HDAC4: variants seen among roughly 807,000 people sequenced by gnomAD.
HDAC4 encodes histone deacetylase A.
A neutral mutation model predicts 135.1 loss-of-function variants in HDAC4; 16 were observed. The observed-to-expected ratio is 0.12, with a 90% confidence interval of 0.08 to 0.18. The LOEUF (loss-of-function observed/expected upper bound fraction) is 0.18. HDAC4 is among the 10% of genes least tolerant of loss of function. The pLI is 1.00. For synonymous variants in HDAC4, 685 were observed against 653.4 expected, an observed-to-expected ratio of 1.05 and a Z score of -0.74; for missense variants, 1,143 against 1,511.8, an observed-to-expected ratio of 0.76 and a Z score of 4.05.
chr2:239,220,447 A>C (rs763954886), intron 3 of HDAC4, among the ~76,000 whole-genome samples: 12 of 152,246 alleles, frequency 7.9e-5, no homozygotes, highest in Non-Finnish European at 1.5e-4. Context: ...GAGGAAGAAG[A>C]TAATAAAGAT....
In HDAC4 at chr2:239,352,800, TA is replaced by T. The variant is rs1355776198; in HGVS notation, c.-102del. 2.6e-6 allele frequency: 3 copies of T among 1,171,084 alleles called. No homozygotes were observed. The African/African-American group carries it at 4.6e-5, about 18-fold the overall frequency. 72.5% of individuals were successfully genotyped at this position (1,171,084 alleles called of 1,614,324 possible). A position where few individuals can be genotyped will look rare whatever the true frequency, so the allele number is the denominator to read the frequency against. On this transcript the variant is annotated 5_prime_UTR_variant, in exon 2 of 27. Transcript: ENST00000543185. This position sits in a 1 kb window ranked among gnomAD's most constrained non-coding sequence, Gnocchi z 4.4. ...CCAAACTCCCACCAACACATACAAG[TA>T]CCGGGACGGTGAGGGCTGGGTCACA... is the stretch of plus-strand genomic sequence containing the variant.
At chr2:239,370,146 T>C (rs904895553) in intron 1 of HDAC4, among the ~76,000 whole-genome samples, 51 of 152,266 alleles carry the variant, frequency 3.3e-4, no homozygotes, top group African/African-American at 1.2e-3. Context: ...TCCCGACTTT[T>C]CCCAAGGGGC....
At chr2:239,321,993 C>T (rs1462377403) in intron 2 of HDAC4, among the ~76,000 whole-genome samples, 2 of 152,220 alleles carry the variant, frequency 1.3e-5, no homozygotes, top group Non-Finnish European at 2.9e-5. Flanking sequence ...AGCGGAAGTA[C>T]ACTCCACAGA....
At chr2:239,169,056 C>G (rs2043288052) in intron 5 of HDAC4, among the ~76,000 whole-genome samples, 1 of 152,120 alleles carries the variant, frequency 6.6e-6, no homozygotes, top group African/African-American at 2.4e-5. Flanking sequence ...CTGTGAGCCT[C>G]AAGATGGTAT....
intron 19 of HDAC4, among the ~76,000 whole-genome samples, chr2:239,085,326 C>T (rs1427916783): frequency 6.6e-6 from 1 of 152,122 alleles, no homozygotes; most frequent in African/African-American, 2.4e-5. Flanking sequence ...CAAATAACAA[C>T]GAAAACCTTC....
Position 239,126,633 on chromosome 2 carries a change from G to A in HDAC4, c.1356C>T (p.Asp452=). 1.2e-6 allele frequency: 2 copies of A among 1,614,048 alleles called. No individual in the cohort carries two copies. Among genetic ancestry groups the A allele is most frequent in the South Asian group, 1.1e-5 (1 of 91,088 alleles). ...GCTTGTGGATGGAGGGGGACACCCG[G>A]TCTGCACCAACCAAGGACTGTGCGT... ...PLHAQSLVGA[D]RVSPSIHKLR... Residue 452 remains aspartate (D), a synonymous_variant, in exon 12 of 27, where the codon GAC becomes GAT. Transcript: ENST00000543185.
intron 7 of HDAC4, among the ~76,000 whole-genome samples, chr2:239,148,774 C>G (rs1398372128): frequency 6.6e-6 from 1 of 152,182 alleles, no homozygotes; most frequent in Non-Finnish European, 1.5e-5. Flanking sequence ...GAGGCGGGGG[C>G]CAGGCCGGGA....
At position 239,285,885 on chromosome 2, in the gene HDAC4, T is replaced by C. The variant is rs764585249; in HGVS notation, c.23-49221A>G. On this transcript the variant is annotated intron_variant, in intron 2 of 26. Coordinates refer to ENST00000543185, the MANE Select transcript of HDAC4 (RefSeq NM_001378414.1). This position sits in a 1 kb window ranked among gnomAD's most constrained non-coding sequence, Gnocchi z 4.5. The stretch of plus-strand genomic sequence containing the variant: ...GGAGTCCAGGGCAGCTCCCAGGAAA[T>C]GCACGTGGCATGCCTATCAGAAGAA... Among the ~76,000 whole-genome samples, 2 of 152,110 alleles carry C rather than the reference T, an allele frequency of 1.3e-5. No individual in the cohort carries two copies. Among genetic ancestry groups the C allele is most frequent in the Non-Finnish European group, 2.9e-5 (2 of 68,032 alleles).
chr2:239,078,469 A>T (rs2034988447), intron 22 of HDAC4, among the ~76,000 whole-genome samples: 1 of 152,200 alleles, frequency 6.6e-6, no homozygotes, highest in African/African-American at 2.4e-5. Context: ...CTTCTTCCCC[A>T]TCATCGGATG....
chr2:239,339,772 C>CA (rs1692183758), intron 2 of HDAC4, among the ~76,000 whole-genome samples: 1 of 152,206 alleles, frequency 6.6e-6, no homozygotes, highest in African/African-American at 2.4e-5. Flanking sequence ...CTCATAACAG[C>CA]ATCCAGGTAA....
intron 17 of HDAC4, among the ~76,000 whole-genome samples, chr2:239,093,639 C>A (rs922527325): frequency 1.3e-5 from 2 of 152,228 alleles, no homozygotes; most frequent in African/African-American, 4.8e-5. Context: ...CCCGCGTCCA[C>A]GTGGGGAGCT....
chr2:239,143,949 C>T (rs954202418), intron 8 of HDAC4, among the ~76,000 whole-genome samples: 1 of 152,152 alleles, frequency 6.6e-6, no homozygotes, highest in African/African-American at 2.4e-5. Context: ...GAGGGGTGTA[C>T]CCTGGTGGTG....
chr2:239,085,124 CAT>C (rs1294609648), intron 19 of HDAC4, among the ~76,000 whole-genome samples: 9 of 152,022 alleles, frequency 5.9e-5, no homozygotes, highest in Middle Eastern at 3.4e-3. Flanking sequence ...CCCTATTTCA[CAT>C]GTTACCAACA....
At chr2:239,384,693 G>A (rs138178546) in intron 1 of HDAC4, among the ~76,000 whole-genome samples, 127 of 152,246 alleles carry the variant, frequency 8.3e-4, no homozygotes, top group African/African-American at 2.8e-3. Context: ...GGTCCTAGGC[G>A]GCAACAATGA....
At chr2:239,159,507 T>C (rs1372846272) in intron 6 of HDAC4, among the ~76,000 whole-genome samples, 1 of 118,894 alleles carries the variant, frequency 8.4e-6, no homozygotes, top group Non-Finnish European at 1.7e-5. Flanking sequence ...ACACCCACAC[T>C]TCATGCCTCA....
At chr2:239,246,705 A>C (rs987811004) in intron 2 of HDAC4, among the ~76,000 whole-genome samples, 18 of 152,370 alleles carry the variant, frequency 1.2e-4, no homozygotes, top group African/African-American at 4.1e-4. Context: ...TTCCTCCCTA[A>C]GTAAGACAAC....
At chr2:239,222,147 G>A (rs780529617) in intron 3 of HDAC4, among the ~76,000 whole-genome samples, 3 of 152,134 alleles carry the variant, frequency 2.0e-5, no homozygotes, top group Non-Finnish European at 4.4e-5. Flanking sequence ...CGCTTCCCTG[G>A]CTTTTACGGC....
At chr2:239,287,855 C>T (rs1363902139) in intron 2 of HDAC4, among the ~76,000 whole-genome samples, 2 of 151,836 alleles carry the variant, frequency 1.3e-5, no homozygotes, top group African/African-American at 2.4e-5. Context: ...AAATTGAAAA[C>T]GTAGATTAAG....
intron 2 of HDAC4, among the ~76,000 whole-genome samples, chr2:239,337,473 T>C (rs149446821): frequency 6.6e-6 from 1 of 152,186 alleles, no homozygotes; most frequent in Non-Finnish European, 1.5e-5. Context: ...CAGGAAGAAA[T>C]CAGGACTCAC....
Sources: gnomAD v4.1 joint callset for allele counts (sites outside exome capture counted in the v4.1 genomes callset) on GRCh38, gnomAD v4.1.1 for gene constraint, Gnocchi (gnomAD v3.1) non-coding constraint, MANE v1.5 for transcripts, NCBI Gene and HGNC (gene_info 2026-07-23, HGNC 2026-07-21) for gene names.